The following ANKFN1 variants were observed in gnomAD, a reference collection of about 807,000 sequenced individuals.
ANKFN1 encodes ankyrin repeat and fibronectin type-III domain-containing protein 1.
Under a neutral mutation model 108.7 loss-of-function variants are expected in ANKFN1, and 74 were observed. The observed-to-expected ratio is 0.68, with a 90% CI of 0.56 to 0.83. The LOEUF is 0.83. Among genes scored for constraint, ANKFN1 ranks in the 40% least tolerant of loss-of-function variants. The pLI is 0.00. For synonymous variants in ANKFN1, 547 were observed against 516.2 expected (o/e 1.06, Z -0.81); for missense variants, 1,505 against 1,382.3 (o/e 1.09, Z -1.41).
chr17:56,152,953 G>A (rs1317190649), upstream of ANKFN1, among the ~76,000 whole-genome samples: 2 of 152,162 alleles, frequency 1.3e-5, no homozygotes, highest in Non-Finnish European at 1.5e-5. Flanking sequence ...CTAGGAAACA[G>A]CCAGACAGCT....
chr17:56,459,293 C>T (rs2049824176), intron 14 of ANKFN1, among the ~76,000 whole-genome samples: 1 of 151,990 alleles, frequency 6.6e-6, no homozygotes, highest in African/African-American at 2.4e-5. Flanking sequence ...GTATTTTTAC[C>T]AGAGACAGGG....
At chr17:56,251,191 G>C (rs1005537435) in intron 3 of ANKFN1, among the ~76,000 whole-genome samples, 1 of 152,172 alleles carries the variant, frequency 6.6e-6, no homozygotes, top group Admixed American at 6.5e-5. Context: ...AGGAGTTCGA[G>C]ACCAGCCTGA....
chr17:56,358,812 C>T (rs778595491), intron 6 of ANKFN1, among the ~76,000 whole-genome samples: 2 of 152,144 alleles, frequency 1.3e-5, no homozygotes, highest in African/African-American at 2.4e-5. Context: ...GTCGCTATGA[C>T]TCATGTTCAA....
At chr17:56,134,016 T>A (rs909738126) in intron 4 of ANKFN1, among the ~76,000 whole-genome samples, 1 of 152,164 alleles carries the variant, frequency 6.6e-6, no homozygotes, top group Non-Finnish European at 1.5e-5. Flanking sequence ...AGTAGTAGGA[T>A]GTTACCTATA....
intron 13 of ANKFN1, 105 bp from the exon 14 acceptor site, chr17:56,457,758 T>A (rs1307036835): frequency 1.2e-6 from 1 of 822,450 alleles, no homozygotes; most frequent in African/African-American, 1.7e-5. Flanking sequence ...GACTGGAGAA[T>A]AAACATCAGG....
chr17:56,473,891 C>T (rs2050410502), intron 15 of ANKFN1, among the ~76,000 whole-genome samples: 1 of 152,102 alleles, frequency 6.6e-6, no homozygotes, highest in Admixed American at 6.5e-5. Flanking sequence ...ACAGTGTACT[C>T]CTAGCTCACA....
At chr17:56,378,187 C>A (rs1364293375) in intron 8 of ANKFN1, among the ~76,000 whole-genome samples, 2 of 152,332 alleles carry the variant, frequency 1.3e-5, no homozygotes, top group East Asian at 3.9e-4. Flanking sequence ...TGCCGACCAT[C>A]ACCTTCAGTT....
intron 3 of ANKFN1, among the ~76,000 whole-genome samples, chr17:56,273,700 C>T (rs1003270891): frequency 4.6e-5 from 7 of 151,892 alleles, no homozygotes; most frequent in Non-Finnish European, 2.9e-5. Flanking sequence ...TGTTTAAGTT[C>T]CTAAAACATA....
intron 1 of ANKFN1, among the ~76,000 whole-genome samples, chr17:56,211,422 G>T (rs1914990047): frequency 6.6e-6 from 1 of 152,108 alleles, no homozygotes; most frequent in Non-Finnish European, 1.5e-5. Flanking sequence ...TAAGTATTTA[G>T]CTTTATTTCT....
rs2050549433 is a variant in ANKFN1, at chr17:56,477,608, A to G, written c.1894A>G (p.Asn632Asp). The part of the protein sequence containing the change: ...IKVLVTQKLP[N>D]ILCHVKIREN... ...AGTTCTTGTTACCCAAAAGTTGCCC[A>G]ACATTCTCTGCCACGTGAAGATCCG... The change falls in exon 16 of 21, where the codon AAC becomes GAC. Residue 632 changes from asparagine to aspartate, a missense_variant. Physicochemically the swap from Asn to Asp is conservative, Grantham distance 23. Transcript: ENST00000682825. 2.5e-6 allele frequency: 4 copies of G among 1,613,940 alleles called. No individual in the cohort carries two copies. The highest frequency in any genetic ancestry group is 2.2e-5 in the East Asian group (1 of 44,880).
intron 8 of ANKFN1, among the ~76,000 whole-genome samples, chr17:56,387,131 C>T (rs1442870970): frequency 6.6e-6 from 1 of 151,920 alleles, no homozygotes; most frequent in Non-Finnish European, 1.5e-5. Context: ...CTATTTTATG[C>T]TTATTTTCTA....
chr17:56,121,575 A>G (rs1172750175), intron 4 of ANKFN1, among the ~76,000 whole-genome samples: 2 of 152,022 alleles, frequency 1.3e-5, no homozygotes, highest in Non-Finnish European at 1.5e-5. Flanking sequence ...GTCACATCAA[A>G]GAAGGACAGT....
intron 2 of ANKFN1, among the ~76,000 whole-genome samples, chr17:56,222,091 C>T (rs1915932489): frequency 6.6e-6 from 1 of 152,178 alleles, no homozygotes; most frequent in South Asian, 2.1e-4. Context: ...GGAGCACTGG[C>T]CTCAGTGGCT....
chr17:56,060,693 T>C (rs1904958578), intron 4 of ANKFN1, among the ~76,000 whole-genome samples: 1 of 152,220 alleles, frequency 6.6e-6, no homozygotes, highest in South Asian at 2.1e-4. Context: ...GATAATCATG[T>C]GGGTTTTGTC....
rs564779107 is a variant in ANKFN1, at chr17:56,346,374, T to C, written c.189-4392T>C. Among the ~76,000 whole-genome samples, 16 of 152,252 alleles carry C rather than the reference T, an allele frequency of 1.1e-4. No homozygotes were observed. In the South Asian group the frequency reaches 2.7e-3, roughly 26 times the overall value. On this transcript the variant is annotated intron_variant, in intron 4 of 20. Transcript: ENST00000682825. ...TTAGGATTGTCTTGGCTATACGGGC[T>C]CTTTTTTGGTTCTAGATGAAATTTA...
At chr17:56,374,259 C>T (rs755207125) in intron 7 of ANKFN1, among the ~76,000 whole-genome samples, 1 of 152,162 alleles carries the variant, frequency 6.6e-6, no homozygotes, top group Non-Finnish European at 1.5e-5. Flanking sequence ...CTTTATAAAA[C>T]GTAAGGGTGT....
intron 18 of ANKFN1, among the ~76,000 whole-genome samples, chr17:56,484,096 CT>C (rs1268240072): frequency 6.6e-6 from 1 of 152,062 alleles, no homozygotes; most frequent in African/African-American, 2.4e-5. Context: ...GAAAACCTTT[CT>C]TGTTGGGGGA....
At chr17:56,348,734 A>G (rs2046169391) in intron 4 of ANKFN1, among the ~76,000 whole-genome samples, 1 of 152,166 alleles carries the variant, frequency 6.6e-6, no homozygotes, top group Admixed American at 6.6e-5. Flanking sequence ...AAAAAGTCAA[A>G]AAACAACAGA....
At chr17:56,142,672 T>G (rs1196466091) in intron 4 of ANKFN1, among the ~76,000 whole-genome samples, 2 of 152,250 alleles carry the variant, frequency 1.3e-5, no homozygotes. Flanking sequence ...TTCCTCATGC[T>G]GAAGCCTTCA....
Sources: gnomAD v4.1 joint callset for allele counts (sites outside exome capture counted in the v4.1 genomes callset) on GRCh38, gnomAD v4.1.1 for gene constraint, MANE v1.5 for transcripts, NCBI Gene and HGNC (gene_info 2026-07-23, HGNC 2026-07-21) for gene names.